The following ESRRG variants were observed in gnomAD, a reference collection of about 807,000 sequenced individuals.
ESRRG encodes estrogen related receptor gamma, also known as estrogen-related receptor gamma.
ESRRG carries 13 observed loss-of-function variants against 44.0 expected under a neutral mutation model. That is an observed-to-expected ratio of 0.30 (90% CI 0.19 to 0.47). The LOEUF is 0.47. Among genes scored for constraint, ESRRG ranks in the 20% least tolerant of loss-of-function variants. ESRRG has a pLI of 1.00. For missense variants in ESRRG, 395 were observed against 580.6 expected (o/e 0.68, Z 3.29); for synonymous variants, 215 against 214.6 (o/e 1.00, Z -0.02).
At chr1:216,738,924 T>C (rs1280950420) in intron 2 of ESRRG, among the ~76,000 whole-genome samples, 1 of 152,172 alleles carries the variant, frequency 6.6e-6, no homozygotes, top group Non-Finnish European at 1.5e-5. Flanking sequence ...CAATCATAGC[T>C]TTCTGCAGCT....
chr1:216,677,588 AGAAAGG>A (rs1272685767), intron 1 of ESRRG, 97 bp from the exon 2 acceptor site: 29 of 1,055,720 alleles, frequency 2.7e-5, no homozygotes, highest in Middle Eastern at 4.2e-4. Context: ...TGAAAAATAG[AGAAAGG>A]GAAAGGGAAA....
chr1:216,980,554 C>G (rs1167922500), intron 1 of ESRRG, among the ~76,000 whole-genome samples: 1 of 152,144 alleles, frequency 6.6e-6, no homozygotes, highest in African/African-American at 2.4e-5. Context: ...ACCTCTCCAA[C>G]TCCACGGGAA....
At chr1:216,887,027 G>A (rs569694108) in intron 2 of ESRRG, among the ~76,000 whole-genome samples, 7 of 152,140 alleles carry the variant, frequency 4.6e-5, no homozygotes, top group South Asian at 2.1e-4. Context: ...TGTGAGCCAC[G>A]TCGCCCCGCC....
chr1:216,788,497 G>C (rs1162618391), intron 2 of ESRRG, among the ~76,000 whole-genome samples: 10 of 152,070 alleles, frequency 6.6e-5, no homozygotes, highest in Non-Finnish European at 1.5e-5. Context: ...CTTAGAAAAA[G>C]CAGAAGCAAA....
At chr1:216,618,254 C>T (rs187085029) in intron 3 of ESRRG, among the ~76,000 whole-genome samples, 1 of 152,274 alleles carries the variant, frequency 6.6e-6, no homozygotes, top group African/African-American at 2.4e-5. Flanking sequence ...TATGGATATA[C>T]CCTGATAGAT....
chr1:216,644,665 G>A (rs2067166386), intron 3 of ESRRG, among the ~76,000 whole-genome samples: 2 of 151,848 alleles, frequency 1.3e-5, no homozygotes, highest in African/African-American at 4.8e-5. Context: ...TCAAACTCCT[G>A]TACTCAAGCA....
At position 216,506,720 on chromosome 1, in the gene ESRRG, G is replaced by A; in HGVS notation, c.*219C>T. 1.6e-6 allele frequency: 1 copy of A among 638,150 alleles called. No individual in the cohort carries two copies. The highest frequency in any genetic ancestry group is 1.7e-5 in the South Asian group (1 of 58,034). 39.5% of individuals were successfully genotyped at this position (638,150 alleles called of 1,614,324 possible). A position where few individuals can be genotyped will look rare whatever the true frequency, so the allele number is the denominator to read the frequency against. ...AAAAATAAAGAGAAAGAGAAATGTGGGAAGAAAGAGGAAAGAAGATGATGG... is the reference window on the plus strand; with the variant it reads ...AAAAATAAAGAGAAAGAGAAATGTGAGAAGAAAGAGGAAAGAAGATGATGG... On this transcript the variant is annotated 3_prime_UTR_variant, in exon 7 of 7. Transcript: ENST00000408911.
chr1:217,023,455 G>A (rs1268633412), intron 1 of ESRRG, among the ~76,000 whole-genome samples: 7 of 152,114 alleles, frequency 4.6e-5, no homozygotes, highest in East Asian at 3.9e-4. Context: ...GATGTGCCAC[G>A]AAGCCAATTC....
chr1:216,659,254 A>G (rs2071618523), intron 2 of ESRRG, among the ~76,000 whole-genome samples: 1 of 152,198 alleles, frequency 6.6e-6, no homozygotes, highest in South Asian at 2.1e-4. Context: ...AGATTTATAC[A>G]AGGATGTGAA....
At chr1:216,807,556 G>T (rs1187389375) in intron 2 of ESRRG, among the ~76,000 whole-genome samples, 1 of 151,802 alleles carries the variant, frequency 6.6e-6, no homozygotes, top group African/African-American at 2.4e-5. Flanking sequence ...TTTTCTTTTG[G>T]AATATGGGTT....
chr1:216,876,868 A>G (rs1183094865), intron 2 of ESRRG, among the ~76,000 whole-genome samples: 6 of 152,118 alleles, frequency 3.9e-5, no homozygotes. Context: ...TTTTAATAGA[A>G]TCTTCTTGAA....
chr1:216,610,683 G>C (rs2060528918), intron 3 of ESRRG, among the ~76,000 whole-genome samples: 1 of 152,122 alleles, frequency 6.6e-6, no homozygotes, highest in South Asian at 2.1e-4. Context: ...AATTGTGTGT[G>C]TGTGTGTGTA....
At chr1:216,921,666 A>C (rs1018649668) in intron 2 of ESRRG, among the ~76,000 whole-genome samples, 1 of 151,784 alleles carries the variant, frequency 6.6e-6, no homozygotes, top group African/African-American at 2.4e-5. Flanking sequence ...TTGAATTGCA[A>C]CTCTACTCTC....
intron 2 of ESRRG, among the ~76,000 whole-genome samples, chr1:216,888,462 G>C (rs2057342943): frequency 6.6e-6 from 1 of 151,958 alleles, no homozygotes; most frequent in African/African-American, 2.4e-5. Flanking sequence ...TTACACTTAG[G>C]CTTTATAATA....
chr1:216,595,717 A>G (rs1271908541), intron 3 of ESRRG, among the ~76,000 whole-genome samples: 1 of 152,200 alleles, frequency 6.6e-6, no homozygotes, highest in Non-Finnish European at 1.5e-5. Flanking sequence ...TTTCCTCTCA[A>G]CTTCTGATTC....
intron 1 of ESRRG, among the ~76,000 whole-genome samples, chr1:216,696,756 C>T (rs1007072233): frequency 3.3e-5 from 5 of 152,030 alleles, no homozygotes; most frequent in African/African-American, 1.2e-4. Context: ...TAGTTGCTGT[C>T]ATTAATTAAC....
chr1:216,615,404 C>A (rs375026156), intron 3 of ESRRG, among the ~76,000 whole-genome samples: 2 of 152,166 alleles, frequency 1.3e-5, no homozygotes, highest in Non-Finnish European at 2.9e-5. Context: ...AGTCTACTCA[C>A]CCTGGTCTAT....
chr1:216,926,084 T>C (rs935172217), intron 2 of ESRRG, among the ~76,000 whole-genome samples: 5 of 152,212 alleles, frequency 3.3e-5, no homozygotes, highest in Admixed American at 6.5e-5. Context: ...GGTACAGATC[T>C]GCAAGCAAAA....
intron 6 of ESRRG, among the ~76,000 whole-genome samples, chr1:216,511,497 A>T (rs978699736): frequency 3.6e-5 from 5 of 136,988 alleles, no homozygotes; most frequent in African/African-American, 1.0e-4. Context: ...AAATTCAGGG[A>T]CATTTACAGA....
Sources: allele counts gnomAD v4.1 joint callset (sites outside exome capture counted in the v4.1 genomes callset), GRCh38; gene constraint gnomAD v4.1.1; transcripts MANE v1.5; gene names NCBI Gene and HGNC (gene_info 2026-07-23, HGNC 2026-07-21).